NCAPH: variants seen among roughly 807,000 people sequenced by gnomAD.
NCAPH encodes condensin complex subunit 2.
A neutral mutation model predicts 85.5 loss-of-function variants in NCAPH; 38 were observed. That is an observed-to-expected ratio of 0.44 (90% CI 0.34 to 0.58). The LOEUF (loss-of-function observed/expected upper bound fraction) is 0.58, where lower values mean the gene tolerates loss of function less well. Ranked by LOEUF, NCAPH falls within the 20% of genes least tolerant of loss-of-function variation. The pLI is 0.01. For missense variants in NCAPH, 789 were observed against 916.6 expected (o/e 0.86, Z 1.80); for synonymous variants, 301 against 335.1 (o/e 0.90, Z 1.11).
intron 1 of NCAPH, among the ~76,000 whole-genome samples, chr2:96,339,800 C>A (rs1181815575): frequency 1.3e-5 from 2 of 152,080 alleles, no homozygotes; most frequent in Non-Finnish European, 2.9e-5. Context: ...TTTATCACAT[C>A]CTCCTCCCCT....
At chr2:96,372,327 G>A (rs943470114) in intron 17 of NCAPH, among the ~76,000 whole-genome samples, 8 of 151,542 alleles carry the variant, frequency 5.3e-5, no homozygotes, top group East Asian at 3.9e-4. Flanking sequence ...GGAGGTGCGC[G>A]TGGATGGGGT....
At position 96,341,908 on chromosome 2, in the gene NCAPH, G is replaced by T; in HGVS notation, c.272+14G>T. ...CCCCTCCAGCAGGTGAGGTGCTCCT[G>T]GGCTGTTTCTCCTTGAGGCAGCCGC... On this transcript the variant is annotated intron_variant, in intron 2 of 17. Transcript: ENST00000240423. The T allele has an allele frequency of 6.2e-7, 1 of 1,606,678 alleles. No individual in the cohort carries two copies.
At chr2:96,342,873 T>C (rs1400261360) in intron 4 of NCAPH, 25 bp downstream of exon 4, 5 of 1,563,992 alleles carry the variant, frequency 3.2e-6, no homozygotes, top group Non-Finnish European at 4.4e-6. Flanking sequence ...CACTTTCTCT[T>C]GCATCTGAAT....
intron 9 of NCAPH, among the ~76,000 whole-genome samples, chr2:96,355,926 G>T (rs772154): frequency 0.28 from 42,984 of 151,916 alleles, 7,120 homozygotes; most frequent in East Asian, 0.43. Flanking sequence ...GAGCCACTGC[G>T]CCTGGCCATC....
rs532102768 is a variant in NCAPH at position 96,342,889 on chromosome 2, G to C, written c.456+41G>C. The C allele has an allele frequency of 5.9e-6, 9 of 1,528,104 alleles. No individual in the cohort carries two copies. The Admixed American group carries it at 6.8e-5, about 11-fold the overall frequency. The allele number at this position is 1,528,104 out of a possible 1,614,324, so 94.7% of individuals were successfully genotyped here. A position where few individuals can be genotyped will look rare whatever the true frequency, so the allele number is the denominator to read the frequency against. On this transcript the variant is annotated intron_variant, in intron 4 of 17. Transcript: ENST00000240423. ...ACTTTCTCTTGCATCTGAATTAAATGATGATGATTTCTACTACTTGGCATA... is the reference window on the plus strand; with the variant it reads ...ACTTTCTCTTGCATCTGAATTAAATCATGATGATTTCTACTACTTGGCATA...
At chr2:96,354,960 C>CTA (rs1049450867) in intron 9 of NCAPH, among the ~76,000 whole-genome samples, 12 of 152,192 alleles carry the variant, frequency 7.9e-5, no homozygotes, top group African/African-American at 2.9e-4. Context: ...GTTGGTGACT[C>CTA]TAAGCCACCA....
chr2:96,337,738 G>T (rs1346648737), intron 1 of NCAPH, among the ~76,000 whole-genome samples: 1 of 152,076 alleles, frequency 6.6e-6, no homozygotes. Flanking sequence ...TAGAGACAGG[G>T]TCTTGCTGTG....
chr2:96,368,964 T>C lies in NCAPH; in HGVS notation c.1999-8T>C. On this transcript the variant is annotated splice_polypyrimidine_tract_variant and splice_region_variant and intron_variant, in intron 15 of 17. Transcript: ENST00000240423. ...TAACTGTCCGATGTATAAATGTGCT[T>C]CTGTTAGGCAAACCACAGGGAAGCT... 6.4e-7 allele frequency: 1 copy of C among 1,552,448 alleles called. No individual in the cohort carries two copies. Among genetic ancestry groups the C allele is most frequent in the Non-Finnish European group, 8.7e-7 (1 of 1,147,302 alleles).
intron 6 of NCAPH, among the ~76,000 whole-genome samples, chr2:96,348,682 G>C (rs984352020): frequency 2.0e-5 from 3 of 151,392 alleles, no homozygotes; most frequent in Admixed American, 1.3e-4. Flanking sequence ...TTGAGACAGG[G>C]TCTCGCTCTG....
rs35483684 is a variant in NCAPH at position 96,365,235 on chromosome 2, G to GA, written c.1699-634dup. 1.3e-3 allele frequency among the ~76,000 whole-genome samples: 205 copies of GA among 152,112 alleles called. 5 individuals are homozygous for GA. The East Asian group carries it at 0.031, about 23-fold the overall frequency. On this transcript the variant is annotated intron_variant, in intron 13 of 17. Transcript: ENST00000240423. ...TATGTGGAAAGGGGGGAACGAACTG[G>GA]AAAAAAATGTATTCACCTTATTTTC...
In NCAPH at chr2:96,376,904, T is replaced by C. The variant is rs1025639621; in HGVS notation, c.*3553T>C. Among the ~76,000 whole-genome samples, 2 of 152,136 alleles carry C rather than the reference T, an allele frequency of 1.3e-5. No homozygotes were observed. Among genetic ancestry groups the C allele is most frequent in the Non-Finnish European group, 1.5e-5 (1 of 68,030 alleles). ...GGTGACTATAGTCAATAATAACAATTGTATATTTTAAAATAAAGAATGTAA... is the reference window on the plus strand; with the variant it reads ...GGTGACTATAGTCAATAATAACAATCGTATATTTTAAAATAAAGAATGTAA... On this transcript the variant is annotated 3_prime_UTR_variant, in exon 18 of 18. Transcript: ENST00000240423.
At position 96,335,786 on chromosome 2, in the gene NCAPH, C is replaced by A; in HGVS notation, c.-44C>A. On this transcript the variant is annotated 5_prime_UTR_variant, in exon 1 of 18. Coordinates refer to ENST00000240423, the MANE Select transcript of NCAPH (RefSeq NM_015341.5). ...CGGCCGTTACGGCGCTCAGGCGTCTCGACGCGCGCGATTTAAAACCAGCTC... is the reference window on the plus strand; with the variant it reads ...CGGCCGTTACGGCGCTCAGGCGTCTAGACGCGCGCGATTTAAAACCAGCTC... The A allele has an allele frequency of 1.4e-6, 2 of 1,468,240 alleles. No homozygotes were observed. Among genetic ancestry groups the A allele is most frequent in the Non-Finnish European group, 9.0e-7 (1 of 1,110,476 alleles). 91.0% of individuals were successfully genotyped at this position (1,468,240 alleles called of 1,614,324 possible). A position where few individuals can be genotyped will look rare whatever the true frequency, so the allele number is the denominator to read the frequency against.
intron 6 of NCAPH, among the ~76,000 whole-genome samples, chr2:96,345,766 A>G (rs1429585271): frequency 6.6e-6 from 1 of 152,212 alleles, no homozygotes; most frequent in Non-Finnish European, 1.5e-5. Flanking sequence ...AGAGTAAATG[A>G]AAACAAATAT....
At chr2:96,337,341 C>T (rs1195217252) in intron 1 of NCAPH, among the ~76,000 whole-genome samples, 1 of 152,246 alleles carries the variant, frequency 6.6e-6, no homozygotes, top group African/African-American at 2.4e-5. Flanking sequence ...CATCCAAATA[C>T]TGTCCTCATA....
intron 6 of NCAPH, among the ~76,000 whole-genome samples, chr2:96,351,479 G>A (rs1033879412): frequency 1.3e-5 from 2 of 152,052 alleles, no homozygotes; most frequent in African/African-American, 4.8e-5. Context: ...GACCAGCCTG[G>A]CTAATATGAT....
chr2:96,370,426 G>A (rs1364269720), intron 17 of NCAPH, among the ~76,000 whole-genome samples: 1 of 152,212 alleles, frequency 6.6e-6, no homozygotes, highest in Non-Finnish European at 1.5e-5. Context: ...GGGTGCTGGT[G>A]GAAGCATCCA....
intron 1 of NCAPH, among the ~76,000 whole-genome samples, chr2:96,336,169 C>T (rs77510056): frequency 6.6e-6 from 1 of 152,124 alleles, no homozygotes; most frequent in Admixed American, 6.5e-5. Context: ...CGGTGTCTCT[C>T]CATTAAAATG....
intron 9 of NCAPH, 94 bp downstream of exon 9, chr2:96,354,482 CTT>C: frequency 2.7e-6 from 3 of 1,098,506 alleles, no homozygotes; most frequent in South Asian, 2.4e-5. Flanking sequence ...ATTTTTCTTT[CTT>C]TTTTTTTCCC....
chr2:96,342,837 A>C lies in NCAPH; in HGVS notation c.445A>C (p.Thr149Pro). The C allele has an allele frequency of 6.2e-7, 1 of 1,611,126 alleles. No homozygotes were observed. The highest frequency in any genetic ancestry group is 8.5e-7 in the Non-Finnish European group (1 of 1,177,978). The change falls in exon 4 of 18, where the codon ACC (threonine) becomes CCC (proline). Residue 149 changes from threonine (T) to proline (P), a missense_variant. By Grantham distance (38) the Thr-to-Pro change is conservative (BLOSUM62 -1). Coordinates refer to ENST00000240423, the MANE Select transcript of NCAPH (RefSeq NM_015341.5). ...EILKQKDTEP[T>P]NFKVAAGTLD... ...TCTTAAACAGAAAGACACCGAACCA[A>C]CCAACTTTAAAGTAAGAAGGATGTC...
Sources: allele counts gnomAD v4.1 joint callset (sites outside exome capture counted in the v4.1 genomes callset), GRCh38; gene constraint gnomAD v4.1.1; transcripts MANE v1.5; gene names NCBI Gene and HGNC (gene_info 2026-07-23, HGNC 2026-07-21).